Variants in ZDHHC14 observed in about 807,000 individuals in gnomAD.
ZDHHC14 encodes the protein palmitoyltransferase ZDHHC14.
ZDHHC14 carries 16 observed loss-of-function variants against 47.7 expected under a neutral mutation model. That is an observed-to-expected ratio of 0.34 (90% CI 0.23 to 0.51). The LOEUF (loss-of-function observed/expected upper bound fraction) is 0.51, where lower values mean the gene tolerates loss of function less well. Ranked by LOEUF, ZDHHC14 falls within the 20% of genes least tolerant of loss-of-function variation. The pLI is 0.97. For missense variants in ZDHHC14, 515 were observed against 662.5 expected, an observed-to-expected ratio of 0.78 and a Z score of 2.44; for synonymous variants, 293 against 278.9, an observed-to-expected ratio of 1.05 and a Z score of -0.50.
chr6:157,575,221 ACCCTC>A (rs1226140027), intron 2 of ZDHHC14, among the ~76,000 whole-genome samples: 2 of 152,212 alleles, frequency 1.3e-5, no homozygotes, highest in Non-Finnish European at 2.9e-5. Context: ...GAGGAGGCCC[ACCCTC>A]ATTAGGGAGA....
At chr6:157,446,228 C>T (rs1337974442) in intron 1 of ZDHHC14, among the ~76,000 whole-genome samples, 2 of 152,102 alleles carry the variant, frequency 1.3e-5, no homozygotes, top group African/African-American at 2.4e-5. Flanking sequence ...ACAAATCCAT[C>T]GCCCATTGCT....
At chr6:157,641,184 C>A (rs963351604) in intron 5 of ZDHHC14, among the ~76,000 whole-genome samples, 1 of 152,040 alleles carries the variant, frequency 6.6e-6, no homozygotes, top group Non-Finnish European at 1.5e-5. Context: ...TTTTACTGTT[C>A]AAGAAATGAA....
chr6:157,662,382 A>G (rs1025905322), intron 8 of ZDHHC14, among the ~76,000 whole-genome samples: 28 of 152,140 alleles, frequency 1.8e-4, no homozygotes, highest in African/African-American at 6.5e-4. Flanking sequence ...GGGTTTCACC[A>G]TGTTGGTCAG....
At chr6:157,648,327 C>A (rs1256884971) in intron 7 of ZDHHC14, among the ~76,000 whole-genome samples, 1 of 152,158 alleles carries the variant, frequency 6.6e-6, no homozygotes, top group African/African-American at 2.4e-5. Flanking sequence ...ATGACTGTGT[C>A]CAGGGCAGAC....
At chr6:157,588,804 T>G (rs746761750) in intron 2 of ZDHHC14, among the ~76,000 whole-genome samples, 1 of 151,984 alleles carries the variant, frequency 6.6e-6, no homozygotes, top group East Asian at 1.9e-4. Flanking sequence ...CACCCCACAG[T>G]GGGGTTCTCA....
intron 1 of ZDHHC14, among the ~76,000 whole-genome samples, chr6:157,528,520 A>G (rs1248561315): frequency 6.6e-6 from 1 of 152,064 alleles, no homozygotes; most frequent in Non-Finnish European, 1.5e-5. Flanking sequence ...TCACGAGGTC[A>G]GGAGATCGAG....
chr6:157,523,847 G>T (rs1781055907), intron 1 of ZDHHC14, among the ~76,000 whole-genome samples: 1 of 152,188 alleles, frequency 6.6e-6, no homozygotes, highest in Admixed American at 6.5e-5. Context: ...GCTGCAGTGG[G>T]CCGTGATCTC....
At chr6:157,664,988 A>G (rs767743098) in intron 8 of ZDHHC14, among the ~76,000 whole-genome samples, 8 of 152,098 alleles carry the variant, frequency 5.3e-5, no homozygotes, top group Non-Finnish European at 1.0e-4. Context: ...TGTTTTCTCT[A>G]TAGCTGAATG....
intron 1 of ZDHHC14, among the ~76,000 whole-genome samples, chr6:157,504,701 G>A (rs4020091): frequency 0.015 from 2,280 of 149,830 alleles, 55 homozygotes; most frequent in African/African-American, 0.054. Context: ...GTGAGCCACC[G>A]CGCCCGGCCT....
At chr6:157,484,423 T>C (rs1222605752) in intron 1 of ZDHHC14, among the ~76,000 whole-genome samples, 1 of 136,798 alleles carries the variant, frequency 7.3e-6, no homozygotes, top group Non-Finnish European at 1.5e-5. Context: ...CACATATACA[T>C]ATATATACGT....
intron 1 of ZDHHC14, among the ~76,000 whole-genome samples, chr6:157,485,445 C>G (rs2114721292): frequency 6.6e-6 from 1 of 152,340 alleles, no homozygotes; most frequent in South Asian, 2.1e-4. Flanking sequence ...AATTTCCTTT[C>G]TGAGTCTTAG....
At position 157,381,440 on chromosome 6, in the gene ZDHHC14, G is replaced by T. The variant is rs1050533361; in HGVS notation, c.-582G>T. The T allele has an allele frequency of 6.7e-6, 2 of 296,496 alleles. No individual in the cohort carries two copies. The highest frequency in any genetic ancestry group is 1.4e-5 in the Non-Finnish European group (2 of 144,712). 18.4% of individuals were successfully genotyped at this position (296,496 alleles called of 1,614,324 possible). A position where few individuals can be genotyped will look rare whatever the true frequency, so the allele number is the denominator to read the frequency against. ...TCCTGACAGAAAAACGTGCGTGGTT[G>T]TCCCCACCCCTGGGAGGGGTTGCCG... On this transcript the variant is annotated 5_prime_UTR_variant, in exon 1 of 9. Transcript: ENST00000359775.
At chr6:157,384,947 T>G (rs1185745765) in intron 1 of ZDHHC14, among the ~76,000 whole-genome samples, 1 of 152,234 alleles carries the variant, frequency 6.6e-6, no homozygotes, top group African/African-American at 2.4e-5. Context: ...TTTTAAAAAT[T>G]TATTTTTAAT....
intron 1 of ZDHHC14, among the ~76,000 whole-genome samples, chr6:157,480,329 G>A (rs144367268): frequency 0.015 from 2,193 of 144,028 alleles, 30 homozygotes; most frequent in Non-Finnish European, 0.023. Flanking sequence ...GTGTTATGGC[G>A]TGACCTTGGC....
chr6:157,584,502 T>C (rs951526090), intron 2 of ZDHHC14, among the ~76,000 whole-genome samples: 1 of 152,206 alleles, frequency 6.6e-6, no homozygotes, highest in Admixed American at 6.5e-5. Context: ...AGATATTTGA[T>C]CCCTGAATTT....
intron 1 of ZDHHC14, among the ~76,000 whole-genome samples, chr6:157,418,484 TTGAC>T (rs2114766787): frequency 6.6e-6 from 1 of 152,332 alleles, no homozygotes; most frequent in East Asian, 1.9e-4. Flanking sequence ...ATGTTTTTAT[TTGAC>T]TGTTCATTAT....
chr6:157,645,597 G>C, intron 5 of ZDHHC14, 140 bp from the exon 6 acceptor site: 1 of 635,906 alleles, frequency 1.6e-6, no homozygotes. Context: ...GGAAGAGCAG[G>C]AAGCAAGGCA....
intron 1 of ZDHHC14, among the ~76,000 whole-genome samples, chr6:157,477,148 AG>A (rs1562441060): frequency 6.6e-6 from 1 of 152,190 alleles, no homozygotes; most frequent in Non-Finnish European, 1.5e-5. Context: ...TGGTAGGCTG[AG>A]GGGGGTGGTC....
At chr6:157,384,091 T>A (rs945370073) in intron 1 of ZDHHC14, among the ~76,000 whole-genome samples, 8 of 152,138 alleles carry the variant, frequency 5.3e-5, no homozygotes, top group Admixed American at 1.3e-4. Flanking sequence ...TACAGTTTTT[T>A]AAAAAAAATC....
Sources: gnomAD v4.1 joint callset for allele counts (sites outside exome capture counted in the v4.1 genomes callset) on GRCh38, gnomAD v4.1.1 for gene constraint, MANE v1.5 for transcripts, NCBI Gene and HGNC (gene_info 2026-07-23, HGNC 2026-07-21) for gene names.